The following SNTB1 variants were observed in gnomAD, a reference collection of about 807,000 sequenced individuals.
SNTB1 encodes the protein beta-1-syntrophin.
SNTB1 carries 36 observed loss-of-function variants against 48.9 expected under a neutral mutation model. The ratio of observed to expected loss-of-function variants is 0.74; its 90% CI spans 0.56 to 0.97. The LOEUF is 0.97. SNTB1 is among the 50% of genes least tolerant of loss of function. SNTB1 has a pLI of 0.00. For missense variants in SNTB1, 786 were observed against 703.4 expected (o/e 1.12, Z -1.33); for synonymous variants, 299 against 294.6 (o/e 1.01, Z -0.15).
At chr8:120,796,937 T>C (rs112090008) in intron 1 of SNTB1, among the ~76,000 whole-genome samples, 41 of 152,210 alleles carry the variant, frequency 2.7e-4, no homozygotes, top group African/African-American at 8.9e-4. Flanking sequence ...ATGTTTTACA[T>C]TATATGCACA....
At chr8:120,763,806 T>C (rs914040231) in intron 1 of SNTB1, among the ~76,000 whole-genome samples, 7 of 149,816 alleles carry the variant, frequency 4.7e-5, no homozygotes, top group Non-Finnish European at 1.0e-4. Flanking sequence ...TTGTTTATTA[T>C]GTGAGCAAAC....
intron 1 of SNTB1, among the ~76,000 whole-genome samples, chr8:120,805,558 T>TA (rs112260448): frequency 0.15 from 22,939 of 148,160 alleles, 3,352 homozygotes; most frequent in African/African-American, 0.37. Flanking sequence ...AAATAAAAAT[T>TA]AAAAAAAAAA....
At chr8:120,632,186 C>A (rs1219912744) in intron 3 of SNTB1, among the ~76,000 whole-genome samples, 1 of 152,160 alleles carries the variant, frequency 6.6e-6, no homozygotes, top group Non-Finnish European at 1.5e-5. Context: ...AACTATTCCT[C>A]GACTCACTCA....
intron 1 of SNTB1, among the ~76,000 whole-genome samples, chr8:120,738,482 G>T (rs1342406938): frequency 6.6e-6 from 1 of 151,986 alleles, no homozygotes; most frequent in African/African-American, 2.4e-5. Flanking sequence ...TTTTAGAAAA[G>T]GAAAGCAAGT....
intron 1 of SNTB1, among the ~76,000 whole-genome samples, chr8:120,785,374 C>T (rs1436095447): frequency 2.6e-5 from 4 of 152,188 alleles, no homozygotes; most frequent in Non-Finnish European, 5.9e-5. Flanking sequence ...TGCCTGGAAC[C>T]CAGCTAGCTG....
chr8:120,785,640 C>T (rs912818057), intron 1 of SNTB1, among the ~76,000 whole-genome samples: 3 of 152,182 alleles, frequency 2.0e-5, no homozygotes, highest in Non-Finnish European at 4.4e-5. Flanking sequence ...TGGCTTTGCT[C>T]CTCCACCCAC....
At chr8:120,660,301 G>A (rs989823872) in intron 2 of SNTB1, among the ~76,000 whole-genome samples, 5 of 152,176 alleles carry the variant, frequency 3.3e-5, no homozygotes, top group African/African-American at 1.2e-4. Flanking sequence ...GTTTAGTGAA[G>A]CCACCTTCAT....
At position 120,669,501 on chromosome 8, in the gene SNTB1, G is replaced by A. The variant is rs1244233152; in HGVS notation, c.788+24191C>T. Among the ~76,000 whole-genome samples the A allele has an allele frequency of 1.7e-4, 6 of 34,844 alleles. 3 individuals carry two copies. Among genetic ancestry groups the A allele is most frequent in the Non-Finnish European group, 2.8e-4 (6 of 21,666 alleles). 22.9% of individuals were successfully genotyped at this position (34,844 alleles called of 152,430 possible). ...CGCTCTGTCGCCCAGGCCGGACTGC[G>A]GACTGCAGTGGCGCAATCTCGGCTC... is the stretch of plus-strand genomic sequence containing the variant. On this transcript the variant is annotated intron_variant, in intron 2 of 6. Transcript: ENST00000517992.
intron 4 of SNTB1, among the ~76,000 whole-genome samples, chr8:120,567,655 A>G (rs887072759): frequency 1.2e-4 from 19 of 152,034 alleles, no homozygotes; most frequent in Non-Finnish European, 1.8e-4. Context: ...TTCTGGGCTC[A>G]AGCAATCCTC....
intron 1 of SNTB1, among the ~76,000 whole-genome samples, chr8:120,802,629 CT>C (rs1399039341): frequency 6.6e-6 from 1 of 152,086 alleles, no homozygotes; most frequent in Non-Finnish European, 1.5e-5. Flanking sequence ...CCTTGTACCC[CT>C]AAACAACTTT....
chr8:120,598,983 G>T (rs945642229), intron 3 of SNTB1, among the ~76,000 whole-genome samples: 3 of 152,166 alleles, frequency 2.0e-5, no homozygotes, highest in African/African-American at 2.4e-5. Context: ...GATTATGTCT[G>T]CATGGCAAGG....
At chr8:120,679,175 T>C (rs1194450194) in intron 2 of SNTB1, among the ~76,000 whole-genome samples, 1 of 152,222 alleles carries the variant, frequency 6.6e-6, no homozygotes, top group East Asian at 1.9e-4. Flanking sequence ...TAGCTGACAT[T>C]TCAGGGATGA....
intron 1 of SNTB1, among the ~76,000 whole-genome samples, chr8:120,792,599 G>A (rs974562321): frequency 2.0e-5 from 3 of 151,940 alleles, no homozygotes; most frequent in Non-Finnish European, 4.4e-5. Flanking sequence ...AAGTACCGTG[G>A]CAAGTCCTAT....
chr8:120,796,834 G>T (rs1820127428), intron 1 of SNTB1, among the ~76,000 whole-genome samples: 1 of 152,012 alleles, frequency 6.6e-6, no homozygotes, highest in Non-Finnish European at 1.5e-5. Context: ...TGGCAAAGCT[G>T]TCATATAGTA....
chr8:120,726,203 A>G (rs1439706639), intron 1 of SNTB1, among the ~76,000 whole-genome samples: 1 of 152,158 alleles, frequency 6.6e-6, no homozygotes, highest in Non-Finnish European at 1.5e-5. Flanking sequence ...TGAAAAATCT[A>G]TTTTTGTACA....
intron 1 of SNTB1, among the ~76,000 whole-genome samples, chr8:120,765,028 C>A (rs1819495477): frequency 6.6e-6 from 1 of 152,074 alleles, no homozygotes; most frequent in Admixed American, 6.6e-5. Flanking sequence ...GAGTTTGAGA[C>A]CAGCCTGACC....
chr8:120,642,317 C>T (rs1444908447), intron 2 of SNTB1, among the ~76,000 whole-genome samples: 3 of 152,228 alleles, frequency 2.0e-5, no homozygotes, highest in Non-Finnish European at 2.9e-5. Context: ...CAAAAGTATT[C>T]TTCAGATATC....
At chr8:120,602,225 A>C (rs1029802610) in intron 3 of SNTB1, among the ~76,000 whole-genome samples, 17 of 152,366 alleles carry the variant, frequency 1.1e-4, no homozygotes, top group Admixed American at 2.6e-4. Flanking sequence ...GTTCACACAC[A>C]GGTGAGTGTG....
chr8:120,747,762 A>T (rs555490944), intron 1 of SNTB1, among the ~76,000 whole-genome samples: 30 of 152,278 alleles, frequency 2.0e-4, no homozygotes, highest in Non-Finnish European at 3.4e-4. Context: ...CTGTACAACA[A>T]ATCACCATGA....
Sources: gnomAD v4.1 joint callset for allele counts (sites outside exome capture counted in the v4.1 genomes callset) on GRCh38, gnomAD v4.1.1 for gene constraint, MANE v1.5 for transcripts, NCBI Gene and HGNC (gene_info 2026-07-23, HGNC 2026-07-21) for gene names.